SYT1: variants seen among roughly 807,000 people sequenced by gnomAD.
The protein encoded by SYT1 is synaptotagmin 1, also known as synaptotagmin-1.
A neutral mutation model predicts 44.8 loss-of-function variants in SYT1; 8 were observed. That is an observed-to-expected ratio of 0.18 (90% CI 0.10 to 0.32). The LOEUF (loss-of-function observed/expected upper bound fraction) is 0.32. Ranked by LOEUF, SYT1 falls within the 10% of genes least tolerant of loss-of-function variation. SYT1 has a pLI of 1.00. For synonymous variants in SYT1, 154 were observed against 188.8 expected (o/e 0.82, Z 1.51); for missense variants, 286 against 509.3 (o/e 0.56, Z 4.22).
intron 2 of SYT1, among the ~76,000 whole-genome samples, chr12:78,987,660 C>G (rs1869739614): frequency 1.3e-5 from 2 of 151,908 alleles, no homozygotes; most frequent in African/African-American, 4.8e-5. Context: ...TTACCATTTG[C>G]TATTTACTTT....
intron 9 of SYT1, among the ~76,000 whole-genome samples, chr12:79,363,248 G>T (rs1289922294): frequency 6.6e-6 from 1 of 151,994 alleles, no homozygotes; most frequent in Admixed American, 6.6e-5. Flanking sequence ...GAGATATTTG[G>T]GAGTTTCTAA....
At chr12:79,402,905 C>T (rs759504088) in intron 9 of SYT1, among the ~76,000 whole-genome samples, 10 of 152,126 alleles carry the variant, frequency 6.6e-5, no homozygotes, top group Non-Finnish European at 1.2e-4. Context: ...TGGAGAGATA[C>T]AGTTAGTTTT....
At chr12:79,176,758 A>AT (rs916587293) in intron 3 of SYT1, among the ~76,000 whole-genome samples, 3 of 151,716 alleles carry the variant, frequency 2.0e-5, no homozygotes, top group South Asian at 2.1e-4. Flanking sequence ...CTATCAATTT[A>AT]TTTTTTTTGG....
chr12:78,896,476 T>G (rs1211506573), intron 1 of SYT1, among the ~76,000 whole-genome samples: 3 of 151,684 alleles, frequency 2.0e-5, no homozygotes, highest in Non-Finnish European at 2.9e-5. Flanking sequence ...GAAAAAAAAT[T>G]TATCTCCTAT....
intron 1 of SYT1, among the ~76,000 whole-genome samples, chr12:78,906,923 C>T (rs1375803277): frequency 5.3e-5 from 8 of 152,148 alleles, no homozygotes; most frequent in Admixed American, 2.0e-4. Context: ...ACTTCATAAC[C>T]GCACATGAAA....
chr12:78,964,699 T>G (rs970134708), intron 1 of SYT1, among the ~76,000 whole-genome samples: 2 of 152,232 alleles, frequency 1.3e-5, no homozygotes, highest in Non-Finnish European at 2.9e-5. Flanking sequence ...GTAAGTGTTA[T>G]GACCTTAATC....
At chr12:78,988,764 G>A (rs1364362152) in intron 2 of SYT1, among the ~76,000 whole-genome samples, 1 of 152,062 alleles carries the variant, frequency 6.6e-6, no homozygotes, top group Non-Finnish European at 1.5e-5. Flanking sequence ...CAAATGTAAT[G>A]AACAGCCATT....
chr12:78,902,569 T>C (rs2137101667), intron 1 of SYT1, among the ~76,000 whole-genome samples: 1 of 152,246 alleles, frequency 6.6e-6, no homozygotes, highest in East Asian at 1.9e-4. Flanking sequence ...CTTTGAACTA[T>C]AGCAATACTA....
chr12:79,024,628 C>T (rs1486394333), intron 2 of SYT1, among the ~76,000 whole-genome samples: 2 of 151,734 alleles, frequency 1.3e-5, no homozygotes, highest in African/African-American at 4.8e-5. Context: ...GCTAGGAAAA[C>T]AGTATTTGAC....
intron 1 of SYT1, among the ~76,000 whole-genome samples, chr12:78,944,937 A>G (rs1033763832): frequency 1.3e-5 from 2 of 152,198 alleles, no homozygotes; most frequent in South Asian, 4.1e-4. Flanking sequence ...GACATGATTC[A>G]GCATTTGATA....
chr12:79,105,647 G>A (rs1013647594), intron 3 of SYT1, among the ~76,000 whole-genome samples: 2 of 152,256 alleles, frequency 1.3e-5, no homozygotes, highest in South Asian at 2.1e-4. Flanking sequence ...TTGGTAGGCC[G>A]AGGCAGACAG....
chr12:79,299,349 G>T (rs201409199), intron 7 of SYT1, 35 bp from the exon 8 acceptor site: 106 of 1,604,728 alleles, frequency 6.6e-5, no homozygotes, highest in Non-Finnish European at 7.5e-5. Flanking sequence ...GCATTTTTGT[G>T]ACTGGATATT....
At chr12:79,405,693 T>C (rs1885218913) in intron 9 of SYT1, among the ~76,000 whole-genome samples, 2 of 152,172 alleles carry the variant, frequency 1.3e-5, no homozygotes, top group Admixed American at 6.6e-5. Flanking sequence ...GAATTACTTT[T>C]TTCACATAAC....
chr12:79,209,119 C>T (rs1874294197), intron 3 of SYT1, among the ~76,000 whole-genome samples: 1 of 152,176 alleles, frequency 6.6e-6, no homozygotes, highest in Non-Finnish European at 1.5e-5. Context: ...CAGCTCTCAT[C>T]CATAGTGACA....
At chr12:79,302,396 T>G (rs1880192434) in intron 8 of SYT1, among the ~76,000 whole-genome samples, 1 of 152,160 alleles carries the variant, frequency 6.6e-6, no homozygotes, top group African/African-American at 2.4e-5. Context: ...GAGTAAGGTT[T>G]TATTGCCAGA....
chr12:79,340,482 G>T (rs1882317008), intron 8 of SYT1, among the ~76,000 whole-genome samples: 1 of 151,946 alleles, frequency 6.6e-6, no homozygotes, highest in Non-Finnish European at 1.5e-5. Context: ...GTCTGTTATT[G>T]GTGTATAAGA....
intron 3 of SYT1, among the ~76,000 whole-genome samples, chr12:79,183,496 G>C (rs1872651160): frequency 1.3e-5 from 2 of 152,022 alleles, no homozygotes; most frequent in South Asian, 4.1e-4. Context: ...CAATGCACAG[G>C]AGAGCTACCC....
chr12:79,011,657 T>TA (rs11289217), intron 2 of SYT1, among the ~76,000 whole-genome samples: 12,746 of 108,054 alleles, frequency 0.12, 701 homozygotes, highest in East Asian at 0.21. Flanking sequence ...CAGAGATTTG[T>TA]AAAAAAAAAA....
chr12:78,952,890 T>C (rs1879037503), intron 1 of SYT1, among the ~76,000 whole-genome samples: 1 of 152,126 alleles, frequency 6.6e-6, no homozygotes, highest in Non-Finnish European at 1.5e-5. Flanking sequence ...GTTTTGTTTT[T>C]CTTAAGCTGA....
Sources: allele counts gnomAD v4.1 joint callset (sites outside exome capture counted in the v4.1 genomes callset), GRCh38; gene constraint gnomAD v4.1.1; transcripts MANE v1.5; gene names NCBI Gene and HGNC (gene_info 2026-07-23, HGNC 2026-07-21).